Variants in HABP4 observed in about 807,000 individuals in gnomAD.
HABP4 encodes the protein intracellular hyaluronan-binding protein 4.
Under a neutral mutation model 44.1 loss-of-function variants are expected in HABP4, and 32 were observed. The ratio of observed to expected loss-of-function variants is 0.73; its 90% CI spans 0.55 to 0.97. The LOEUF (loss-of-function observed/expected upper bound fraction) is 0.97. Among genes scored for constraint, HABP4 ranks in the 50% least tolerant of loss-of-function variants. The pLI is 0.00. For synonymous variants in HABP4, 216 were observed against 218.0 expected (o/e 0.99, Z 0.08); for missense variants, 503 against 561.9 (o/e 0.90, Z 1.06).
chr9:96,465,497 AT>A lies in HABP4; in HGVS notation c.674del (p.Ile225LysfsTer58). 1 of 1,601,234 alleles carries A rather than the reference AT, an allele frequency of 6.2e-7. No homozygotes were observed. The highest frequency in any genetic ancestry group is 8.6e-7 in the Non-Finnish European group (1 of 1,168,210). On this transcript the variant is annotated frameshift_variant and splice_region_variant, in exon 3 of 8. Transcript: ENST00000375249. LOFTEE classifies it high-confidence loss of function. ...TGAAAGATATGGTGGGAATGACAAA[AT>A]GTAAGTTTCTTTGTAAATGCTATTT... ...EFERYGGNDK[I>X]AVRTEDNMGG...
chr9:96,475,340 C>T, intron 5 of HABP4, among the ~76,000 whole-genome samples: 1 of 145,070 alleles, frequency 6.9e-6, no homozygotes, highest in East Asian at 2.0e-4. Context: ...CGTGCCACTG[C>T]ACTCCAGCCT....
intron 4 of HABP4, among the ~76,000 whole-genome samples, chr9:96,470,606 C>A (rs1276915698): frequency 6.6e-6 from 1 of 151,852 alleles, no homozygotes. Context: ...AAAAAACTTA[C>A]TTTAAAGCCC....
chr9:96,452,927 T>TG (rs1282417463), intron 1 of HABP4, among the ~76,000 whole-genome samples: 5 of 145,134 alleles, frequency 3.4e-5, no homozygotes, highest in Admixed American at 6.8e-5. Context: ...TTTTTTTTTT[T>TG]TTTTTTTTTT....
At position 96,474,064 on chromosome 9, in the gene HABP4, T is replaced by C. The variant is rs1832740162; in HGVS notation, c.827+2970T>C. On this transcript the variant is annotated intron_variant, in intron 5 of 7. Transcript: ENST00000375249. The stretch of plus-strand genomic sequence containing the variant: ...CGTTTATATCTGTGTCCTAGAGTGG[T>C]GCCTGGCATGTAGCTAGTGCTTTAT... Among the ~76,000 whole-genome samples, 3 of 152,358 alleles carry C rather than the reference T, an allele frequency of 2.0e-5. No individual in the cohort carries two copies. The South Asian group carries it at 6.2e-4, about 32-fold the overall frequency.
intron 4 of HABP4, among the ~76,000 whole-genome samples, chr9:96,466,109 G>A (rs896999650): frequency 6.6e-6 from 1 of 152,058 alleles, no homozygotes; most frequent in Non-Finnish European, 1.5e-5. Flanking sequence ...GGTGACTCAC[G>A]CCTGTAATCC....
chr9:96,475,245 G>A (rs1451253643), intron 5 of HABP4, among the ~76,000 whole-genome samples: 1 of 151,936 alleles, frequency 6.6e-6, no homozygotes. Context: ...GTATGGTAGC[G>A]GGCACCTGTA....
intron 2 of HABP4, among the ~76,000 whole-genome samples, chr9:96,461,892 A>G (rs1054653530): frequency 2.6e-5 from 4 of 152,178 alleles, no homozygotes; most frequent in Middle Eastern, 3.4e-3. Flanking sequence ...ACAGTGGCTC[A>G]TGCCTGTAAT....
intron 6 of HABP4, among the ~76,000 whole-genome samples, chr9:96,486,917 C>T (rs71499954): frequency 0.07 from 10,667 of 151,978 alleles, 722 homozygotes; most frequent in African/African-American, 0.16. Context: ...CAGTGGGAGG[C>T]GACTCAGAGC....
At position 96,488,305 on chromosome 9, in the gene HABP4, GAAGTT is replaced by G. The variant is rs1833012640; in HGVS notation, c.1185+34_1185+38del. ...TGTCTGTATTGACGGTTTGGCGAAA[GAAGTT>G]AATAAGGACAGTGCCCTGGGCCCAG... is the stretch of plus-strand genomic sequence containing the variant. On this transcript the variant is annotated intron_variant, in intron 7 of 7. Coordinates refer to ENST00000375249, the MANE Select transcript of HABP4 (RefSeq NM_014282.4). This position sits in a 1 kb window ranked among gnomAD's most constrained non-coding sequence, Gnocchi z 4.6. 6.5e-7 allele frequency: 1 copy of G among 1,526,880 alleles called. No homozygotes were observed. The highest frequency in any genetic ancestry group is 9.0e-7 in the Non-Finnish European group (1 of 1,113,994). 94.6% of individuals were successfully genotyped at this position (1,526,880 alleles called of 1,614,324 possible). A position where few individuals can be genotyped will look rare whatever the true frequency, so the allele number is the denominator to read the frequency against.
chr9:96,470,310 T>C lies in HABP4; in HGVS notation c.744-701T>C, dbSNP rs1002633568. On this transcript the variant is annotated intron_variant, in intron 4 of 7. Coordinates refer to ENST00000375249, the MANE Select transcript of HABP4 (RefSeq NM_014282.4). The stretch of plus-strand genomic sequence containing the variant: ...CATGCCCAGCTAATTTTTGTATTTT[T>C]AGTAGAGACAGGGTTTCACCATGTT... 3.9e-5 allele frequency among the ~76,000 whole-genome samples: 6 copies of C among 152,138 alleles called. No homozygotes were observed. In the South Asian group the frequency reaches 6.2e-4, roughly 16 times the overall value.
At position 96,450,205 on chromosome 9, in the gene HABP4, TG is replaced by T; in HGVS notation, c.-72del. The T allele has an allele frequency of 8.2e-7, 1 of 1,222,468 alleles. No homozygotes were observed. Among genetic ancestry groups the T allele is most frequent in the Non-Finnish European group, 1.0e-6 (1 of 976,560 alleles). The allele number at this position is 1,222,468 out of a possible 1,614,324, so 75.7% of individuals were successfully genotyped here. On this transcript the variant is annotated 5_prime_UTR_variant, in exon 1 of 8. It removes the in-frame stop codon of an upstream open reading frame in the 5' UTR. Coordinates refer to ENST00000375249, the MANE Select transcript of HABP4 (RefSeq NM_014282.4). This position sits in a 1 kb window ranked among gnomAD's most constrained non-coding sequence, Gnocchi z 4.8. ...GGCGGTGGCGGCGGAGCGGGCGGCA[TG>T]GGTCCTGGCCGCCGGCTTCGCTGAG...
Position 96,450,535 on chromosome 9 carries a change from G to T in HABP4, c.256G>T (p.Gly86Cys). ...AGASGHRAGA[G>C]GRRESQKERK... ...GGCCTCGGGCCACAGAGCCGGCGCG[G>T]GCGGCCGGAGGGAGTCGCAGAAGGA... is the stretch of plus-strand genomic sequence containing the variant. The change falls in exon 1 of 8, where the codon GGC becomes TGC. Residue 86 changes from glycine to cysteine, a missense_variant. Coordinates refer to ENST00000375249, the MANE Select transcript of HABP4 (RefSeq NM_014282.4). The surrounding 1 kb of genome is among the most constrained non-coding windows in gnomAD (Gnocchi z 4.8). 8.1e-7 allele frequency: 1 copy of T among 1,235,906 alleles called. No homozygotes were observed. Among genetic ancestry groups the T allele is most frequent in the Non-Finnish European group, 1.0e-6 (1 of 989,478 alleles). 76.6% of individuals were successfully genotyped at this position (1,235,906 alleles called of 1,614,324 possible).
At chr9:96,452,487 C>T (rs1832301996) in intron 1 of HABP4, among the ~76,000 whole-genome samples, 1 of 152,062 alleles carries the variant, frequency 6.6e-6, no homozygotes, top group African/African-American at 2.4e-5. Context: ...CTGTTTCCTG[C>T]ACTTGATGTT....
chr9:96,471,250 C>A (rs1239555861), intron 5 of HABP4, among the ~76,000 whole-genome samples, 156 bp downstream of exon 5: 1 of 152,024 alleles, frequency 6.6e-6, no homozygotes, highest in East Asian at 1.9e-4. Context: ...TCAAGCGATT[C>A]TCCTGTCTCA....
chr9:96,468,672 G>A (rs144602258), intron 4 of HABP4, among the ~76,000 whole-genome samples: 68 of 152,288 alleles, frequency 4.5e-4, no homozygotes, highest in African/African-American at 1.6e-3. Context: ...GACTGCAGGC[G>A]TGAGCCACCA....
At chr9:96,456,728 C>A (rs1354444170) in intron 1 of HABP4, among the ~76,000 whole-genome samples, 11 of 130,286 alleles carry the variant, frequency 8.4e-5, no homozygotes, top group Non-Finnish European at 1.7e-4. Context: ...CCGCTGTACT[C>A]CAGCCTGGGC....
intron 7 of HABP4, among the ~76,000 whole-genome samples, chr9:96,489,750 G>A (rs1587692122): frequency 6.6e-6 from 1 of 152,352 alleles, no homozygotes; most frequent in South Asian, 2.1e-4. Flanking sequence ...GTAAGAGCTT[G>A]CAGGACGTAG....
chr9:96,458,397 G>T lies in HABP4; in HGVS notation c.368G>T (p.Arg123Ile). The change falls in exon 2 of 8, where the codon AGA becomes ATA. Residue 123 changes from arginine (R) to isoleucine (I), a missense_variant. By Grantham distance (97) the Arg-to-Ile change is moderately conservative. Around this residue, in one of 3 missense-constraint regions of HABP4, gnomAD observed 290 missense variants for 300.5 expected, o/e 0.97. Coordinates refer to ENST00000375249, the MANE Select transcript of HABP4 (RefSeq NM_014282.4). ...LQAPGQKRTP[R>I]RGEQQGWNDS... ...TTGGTAGGCCAGAAGCGGACTCCTAGAAGAGGGGAGCAGCAAGGATGGAAT... is the reference window on the plus strand; with the variant it reads ...TTGGTAGGCCAGAAGCGGACTCCTATAAGAGGGGAGCAGCAAGGATGGAAT... 1 of 1,614,074 alleles carries T rather than the reference G, an allele frequency of 6.2e-7. No individual in the cohort carries two copies. The highest frequency in any genetic ancestry group is 8.5e-7 in the Non-Finnish European group (1 of 1,179,972).
chr9:96,475,405 A>AAAAAAG lies in HABP4; in HGVS notation c.827+4313_827+4314insAAAGAA, dbSNP rs1554725958. ...ACAACAACAACAAAAAAAAAAAAAA[A>AAAAAAG]AAGAAGAAAAAGAATAACATTTTTA... On this transcript the variant is annotated intron_variant, in intron 5 of 7. Transcript: ENST00000375249. 3.2e-4 allele frequency among the ~76,000 whole-genome samples: 48 copies of AAAAAAG among 149,972 alleles called. 1 individual carries two copies. The highest frequency in any genetic ancestry group is 1.1e-3 in the African/African-American group (45 of 39,474).
Sources: gnomAD v4.1 joint callset for allele counts (sites outside exome capture counted in the v4.1 genomes callset) on GRCh38, gnomAD v4.1.1 for gene constraint, gnomAD v4.1.1 regional missense constraint, Gnocchi (gnomAD v3.1) non-coding constraint, MANE v1.5 for transcripts, NCBI Gene and HGNC (gene_info 2026-07-23, HGNC 2026-07-21) for gene names.